Variants in PTPRF observed in about 807,000 individuals in gnomAD.
PTPRF encodes the protein protein tyrosine phosphatase receptor type F.
A neutral mutation model predicts 201.8 loss-of-function variants in PTPRF; 59 were observed. The ratio of observed to expected loss-of-function variants is 0.29; its 90% CI spans 0.24 to 0.36. The LOEUF (loss-of-function observed/expected upper bound fraction) is 0.36. PTPRF is among the 10% of genes least tolerant of loss of function. PTPRF has a pLI of 1.00. For missense variants in PTPRF, 2,132 were observed against 2,690.5 expected (o/e 0.79, Z 4.59); for synonymous variants, 1,088 against 1,089.7 (o/e 1.00, Z 0.03).
Position 43,579,161 on chromosome 1 carries a change from T to C in PTPRF, c.679+241T>C, listed in dbSNP as rs745685768. On this transcript the variant is annotated intron_variant, in intron 7 of 33. Transcript: ENST00000359947. ...GGGAAGCAGCCACTCTTGGGAGCATTTGTATCTTTTGTAGGTCTTGCCGCA... is the reference window on the plus strand; with the variant it reads ...GGGAAGCAGCCACTCTTGGGAGCATCTGTATCTTTTGTAGGTCTTGCCGCA... The C allele has an allele frequency of 7.3e-6, 5 of 687,626 alleles. No individual in the cohort carries two copies. The South Asian group carries it at 7.5e-5, about 10-fold the overall frequency. The allele number at this position is 687,626 out of a possible 1,614,324, so 42.6% of individuals were successfully genotyped here.
At chr1:43,579,671 G>C (rs1280569243) in intron 7 of PTPRF, 1 of 192,132 alleles carries the variant, frequency 5.2e-6, no homozygotes, top group Non-Finnish European at 1.1e-5. Flanking sequence ...GCCCTTTCCT[G>C]AGAACACACT....
chr1:43,600,102 C>T (rs573843035), intron 13 of PTPRF, among the ~76,000 whole-genome samples: 5 of 152,360 alleles, frequency 3.3e-5, no homozygotes, highest in East Asian at 3.9e-4. Context: ...TCTCTTCCCC[C>T]TCTCAGCCTG....
At chr1:43,572,505 C>T (rs939801272) in intron 6 of PTPRF, among the ~76,000 whole-genome samples, 1 of 152,156 alleles carries the variant, frequency 6.6e-6, no homozygotes, top group African/African-American at 2.4e-5. Context: ...AATAACTGGG[C>T]TCTCTCCCCT....
Position 43,606,262 on chromosome 1 carries a change from G to A in PTPRF, c.3506G>A (p.Gly1169Asp), listed in dbSNP as rs750382273. 26 of 1,613,598 alleles carry A rather than the reference G, an allele frequency of 1.6e-5. No homozygotes were observed. Among genetic ancestry groups the A allele is most frequent in the African/African-American group, 4.0e-5 (3 of 74,922 alleles). ...CAGCTTCTAGAAGCCATCGAGCAAGGCGGAGAGGAGCAGCGGCGGCGGCGG... is the reference window on the plus strand; with the variant it reads ...CAGCTTCTAGAAGCCATCGAGCAAGACGGAGAGGAGCAGCGGCGGCGGCGG... ...LDELLEAIEQ[G>D]GEEQRRRRRQ... The change falls in exon 20 of 34, where the codon GGC (glycine) becomes GAC (aspartate). Residue 1169 changes from glycine to aspartate, a missense_variant. Physicochemically the swap from Gly to Asp is moderately conservative, Grantham distance 94 (BLOSUM62 -1). Transcript: ENST00000359947.
At chr1:43,572,237 G>C (rs1270022211) in intron 6 of PTPRF, among the ~76,000 whole-genome samples, 1 of 150,430 alleles carries the variant, frequency 6.6e-6, no homozygotes, top group Non-Finnish European at 1.5e-5. Flanking sequence ...ACTTGGTGAG[G>C]TCAGCTGTAG....
chr1:43,535,074 G>T (rs1341822576), intron 1 of PTPRF, among the ~76,000 whole-genome samples: 1 of 152,078 alleles, frequency 6.6e-6, no homozygotes, highest in Non-Finnish European at 1.5e-5. Flanking sequence ...CTCCCATCAG[G>T]GGTCACATGA....
chr1:43,538,988 T>C lies in PTPRF; in HGVS notation c.-46+711T>C, dbSNP rs910904547. 2.0e-5 allele frequency among the ~76,000 whole-genome samples: 3 copies of C among 152,186 alleles called. No homozygotes were observed. The East Asian group carries it at 5.8e-4, about 29-fold the overall frequency. On this transcript the variant is annotated intron_variant, in intron 2 of 33. Coordinates refer to ENST00000359947, the MANE Select transcript of PTPRF (RefSeq NM_002840.5). Reference sequence around the variant, plus strand: ...TGAAGGTTCTTAAGCAGAGAAGCAATATCCATGTGTTGATCTGTCCATTGC... The same window carrying C: ...TGAAGGTTCTTAAGCAGAGAAGCAACATCCATGTGTTGATCTGTCCATTGC...
intron 11 of PTPRF, among the ~76,000 whole-genome samples, chr1:43,594,974 G>T (rs76597602): frequency 6.6e-6 from 1 of 152,182 alleles, no homozygotes; most frequent in Non-Finnish European, 1.5e-5. Flanking sequence ...ACGAGATGCT[G>T]CTGAGCGGTC....
In PTPRF at chr1:43,613,037, C is replaced by T. The variant is rs1308897309; in HGVS notation, c.3974-581C>T. 5 of 363,922 alleles carry T rather than the reference C, an allele frequency of 1.4e-5. No individual in the cohort carries two copies. In the East Asian group the frequency reaches 2.9e-4, roughly 21 times the overall value. The allele number at this position is 363,922 out of a possible 1,614,324, so 22.5% of individuals were successfully genotyped here. On this transcript the variant is annotated intron_variant, in intron 22 of 33. Transcript: ENST00000359947. Reference sequence around the variant, plus strand: ...CACCGGCCCCGTCTCTGTTCTGCCTCTCTGGCCTCCAGTCCCGGCCTGACA... The same window carrying T: ...CACCGGCCCCGTCTCTGTTCTGCCTTTCTGGCCTCCAGTCCCGGCCTGACA...
upstream of PTPRF, among the ~76,000 whole-genome samples, chr1:43,526,859 C>A (rs1643136846): frequency 6.6e-6 from 1 of 152,182 alleles, no homozygotes; most frequent in African/African-American, 2.4e-5. Context: ...CTGATGTCTG[C>A]AACAGCAGCA....
intron 1 of PTPRF, among the ~76,000 whole-genome samples, chr1:43,535,017 T>C (rs1174634950): frequency 3.3e-5 from 5 of 152,198 alleles, no homozygotes; most frequent in African/African-American, 9.7e-5. Flanking sequence ...GTTGTCTGTG[T>C]TTGCAGTTAC....
intron 13 of PTPRF, among the ~76,000 whole-genome samples, chr1:43,601,339 A>G (rs999917454): frequency 6.6e-6 from 1 of 152,218 alleles, no homozygotes; most frequent in Non-Finnish European, 1.5e-5. Context: ...GCCCCGAAAC[A>G]TTCCTTCCTA....
chr1:43,551,159 C>A (rs1304566607), intron 3 of PTPRF, among the ~76,000 whole-genome samples: 1 of 152,038 alleles, frequency 6.6e-6, no homozygotes, highest in African/African-American at 2.4e-5. Flanking sequence ...CAGGGGCTTC[C>A]GCGTGTTAGG....
At chr1:43,584,730 A>G (rs1323375136) in intron 7 of PTPRF, among the ~76,000 whole-genome samples, 5 of 152,338 alleles carry the variant, frequency 3.3e-5, no homozygotes, top group African/African-American at 1.2e-4. Flanking sequence ...GTTTGCCGGC[A>G]TTTAATTACT....
intron 5 of PTPRF, among the ~76,000 whole-genome samples, chr1:43,565,279 G>A (rs1468436370): frequency 6.6e-6 from 1 of 152,050 alleles, no homozygotes; most frequent in African/African-American, 2.4e-5. Context: ...ATCGACCCCC[G>A]ACCCTCCCCT....
At chr1:43,529,340 C>T (rs1013161163), upstream of PTPRF, among the ~76,000 whole-genome samples, 4 of 152,206 alleles carry the variant, frequency 2.6e-5, no homozygotes, top group African/African-American at 4.8e-5. Context: ...AAGTTCAGGA[C>T]AAAAACAGGC....
At chr1:43,616,477 T>C (rs913954249) in intron 23 of PTPRF, among the ~76,000 whole-genome samples, 7 of 151,628 alleles carry the variant, frequency 4.6e-5, no homozygotes, top group African/African-American at 1.7e-4. Context: ...AGGAAGAGGC[T>C]GAGCCTCAAT....
intron 20 of PTPRF, 23 bp downstream of exon 20, chr1:43,606,481 G>A (rs1228856379): frequency 4.4e-6 from 7 of 1,595,958 alleles, no homozygotes; most frequent in Non-Finnish European, 6.0e-6. Context: ...CGGCTTGGCT[G>A]TCAGCACCCT....
Position 43,603,713 on chromosome 1 carries a change from G to A in PTPRF, c.2561G>A (p.Arg854Gln), listed in dbSNP as rs140594531. 9.3e-6 allele frequency: 15 copies of A among 1,613,612 alleles called. No individual in the cohort carries two copies. Among genetic ancestry groups the A allele is most frequent in the Admixed American group, 1.7e-5 (1 of 60,010 alleles). Residue 854 changes from arginine (R) to glutamine (Q), a missense_variant, in exon 16 of 34, where the codon CGG becomes CAG. Physicochemically the swap from Arg to Gln is conservative, Grantham distance 43. This residue lies in a region of PTPRF where 818 missense variants were observed against 915.3 expected (regional missense o/e 0.89). Coordinates refer to ENST00000359947, the MANE Select transcript of PTPRF (RefSeq NM_002840.5). This position sits in a 1 kb window ranked among gnomAD's most constrained non-coding sequence, Gnocchi z 5.8. ...CTGCCTGGCGAGCTGCTGGGCTACC[G>A]GCTGCAGTACTGCCGGGCCGACGAG... ...KELPGELLGYRLQYCRADEAR... is the reference protein window; with the variant it reads ...KELPGELLGYQLQYCRADEAR...
Sources: allele counts gnomAD v4.1 joint callset (sites outside exome capture counted in the v4.1 genomes callset), GRCh38; gene constraint gnomAD v4.1.1; regional missense constraint gnomAD v4.1.1; non-coding constraint Gnocchi (gnomAD v3.1); transcripts MANE v1.5; gene names NCBI Gene and HGNC (gene_info 2026-07-23, HGNC 2026-07-21).